The following LRRTM4 variants were observed in gnomAD, a reference collection of about 807,000 sequenced individuals.
LRRTM4 encodes the protein leucine-rich repeat transmembrane neuronal protein 4.
In LRRTM4, 25 loss-of-function variants were observed where a neutral mutation model predicts 47.6. That is an observed-to-expected ratio of 0.53 (90% CI 0.38 to 0.73). The LOEUF (loss-of-function observed/expected upper bound fraction) is 0.73, where lower values mean the gene tolerates loss of function less well. Among genes scored for constraint, LRRTM4 ranks in the 30% least tolerant of loss-of-function variants. LRRTM4 has a pLI of 0.00. For synonymous variants in LRRTM4, 311 were observed against 269.5 expected (o/e 1.15, Z -1.51); for missense variants, 638 against 713.4 (o/e 0.89, Z 1.20).
intron 3 of LRRTM4, among the ~76,000 whole-genome samples, chr2:76,935,338 C>A (rs528474795): frequency 4.6e-5 from 7 of 152,020 alleles, no homozygotes. Flanking sequence ...TATGCGGGCT[C>A]TTTTTGGTTT....
intron 3 of LRRTM4, among the ~76,000 whole-genome samples, chr2:77,509,751 T>G (rs1678913376): frequency 6.6e-6 from 1 of 152,170 alleles, no homozygotes. Context: ...TTTCAACAAG[T>G]TACTTGGAAA....
intron 3 of LRRTM4, among the ~76,000 whole-genome samples, chr2:77,099,329 C>T (rs1407028849): frequency 6.6e-6 from 1 of 151,848 alleles, no homozygotes; most frequent in Non-Finnish European, 1.5e-5. Flanking sequence ...ATAAATACAT[C>T]TCACAAAAAC....
At chr2:77,273,151 T>C (rs1676251659) in intron 3 of LRRTM4, among the ~76,000 whole-genome samples, 1 of 152,168 alleles carries the variant, frequency 6.6e-6, no homozygotes, top group South Asian at 2.1e-4. Flanking sequence ...ATATCCTTAA[T>C]TTAATGGAAG....
At chr2:77,148,877 T>G (rs1573010273) in intron 3 of LRRTM4, among the ~76,000 whole-genome samples, 2 of 152,192 alleles carry the variant, frequency 1.3e-5, no homozygotes, top group African/African-American at 4.8e-5. Context: ...CCTTTAGTTC[T>G]CATATGGTTG....
chr2:76,825,478 T>C lies in LRRTM4; in HGVS notation c.1552-76562A>G, dbSNP rs139654841. 2.5e-3 allele frequency among the ~76,000 whole-genome samples: 373 copies of C among 151,650 alleles called. 7 individuals carry two copies. Among genetic ancestry groups the C allele is most frequent in the African/African-American group, 7.7e-3 (320 of 41,456 alleles). On this transcript the variant is annotated intron_variant, in intron 3 of 3. Coordinates refer to ENST00000409884, the MANE Select transcript of LRRTM4 (RefSeq NM_001134745.3). ...ATTTCTAACTACTTGACTCGAGCAA[T>C]TGTGGGGATGGAGTTGTCATTTACT... is the stretch of plus-strand genomic sequence containing the variant.
At chr2:77,029,062 T>C (rs1027684153) in intron 3 of LRRTM4, among the ~76,000 whole-genome samples, 3 of 145,624 alleles carry the variant, frequency 2.1e-5, no homozygotes, top group Non-Finnish European at 4.5e-5. Flanking sequence ...AATATATATA[T>C]ATATATATAA....
intron 3 of LRRTM4, among the ~76,000 whole-genome samples, chr2:77,310,996 A>T (rs1259735886): frequency 6.6e-6 from 1 of 152,008 alleles, no homozygotes; most frequent in Non-Finnish European, 1.5e-5. Context: ...ACACACATAT[A>T]TATATAGAGA....
intron 3 of LRRTM4, among the ~76,000 whole-genome samples, chr2:76,972,073 G>A (rs189646598): frequency 6.6e-6 from 1 of 152,028 alleles, no homozygotes; most frequent in Non-Finnish European, 1.5e-5. Flanking sequence ...GGTTGTTTCA[G>A]CATTTTTCTA....
intron 3 of LRRTM4, among the ~76,000 whole-genome samples, chr2:77,419,068 G>A (rs948324470): frequency 7.3e-5 from 11 of 151,662 alleles, no homozygotes; most frequent in African/African-American, 2.7e-4. Context: ...ATATATATTG[G>A]GTACTTAGAA....
intron 3 of LRRTM4, among the ~76,000 whole-genome samples, chr2:77,027,874 T>C (rs2104125667): frequency 6.6e-6 from 1 of 152,052 alleles, no homozygotes; most frequent in South Asian, 2.1e-4. Flanking sequence ...TTCAATACAG[T>C]CCCATTTGAG....
intron 3 of LRRTM4, among the ~76,000 whole-genome samples, chr2:77,401,778 C>A (rs950303288): frequency 6.6e-6 from 1 of 151,884 alleles, no homozygotes; most frequent in African/African-American, 2.4e-5. Context: ...TATTCAGAAG[C>A]AGCCCAGGTC....
At chr2:76,864,511 G>C (rs1672408315) in intron 3 of LRRTM4, among the ~76,000 whole-genome samples, 1 of 151,906 alleles carries the variant, frequency 6.6e-6, no homozygotes, top group South Asian at 2.1e-4. Flanking sequence ...TACAAAATTA[G>C]CTTGGCGTGG....
chr2:77,444,865 T>C (rs1675986577), intron 3 of LRRTM4, among the ~76,000 whole-genome samples: 1 of 150,636 alleles, frequency 6.6e-6, no homozygotes. Flanking sequence ...TTATTATAAA[T>C]GAGCTTTAGG....
chr2:76,764,414 G>A (rs112170196), intron 3 of LRRTM4, among the ~76,000 whole-genome samples: 2,155 of 152,232 alleles, frequency 0.014, 54 homozygotes, highest in African/African-American at 0.048. Flanking sequence ...GGCAGATCAC[G>A]TGGTCAGGAG....
At chr2:77,237,316 G>A (rs991547585) in intron 3 of LRRTM4, among the ~76,000 whole-genome samples, 2 of 151,812 alleles carry the variant, frequency 1.3e-5, no homozygotes, top group Non-Finnish European at 2.9e-5. Context: ...ATTTCCTTTA[G>A]ATTTTCTAGT....
intron 3 of LRRTM4, among the ~76,000 whole-genome samples, chr2:77,247,779 G>A (rs1558652131): frequency 6.6e-6 from 1 of 151,956 alleles, no homozygotes; most frequent in Non-Finnish European, 1.5e-5. Context: ...TTAGGCCTAT[G>A]TCTATAATAA....
At position 77,362,174 on chromosome 2, in the gene LRRTM4, G is replaced by GAAAGAAAGAAAGAAAGA. The variant is rs1491583250; in HGVS notation, c.1551+156143_1551+156144insTCTTTCTTTCTTTCTTT. Among the ~76,000 whole-genome samples the GAAAGAAAGAAAGAAAGA allele has an allele frequency of 5.3e-4, 42 of 78,950 alleles. 1 individual carries two copies. The highest frequency in any genetic ancestry group is 1.3e-3 in the Admixed American group (10 of 7,978). The allele number at this position is 78,950 out of a possible 152,430, so 51.8% of individuals were successfully genotyped here. A position where few individuals can be genotyped will look rare whatever the true frequency, so the allele number is the denominator to read the frequency against. ...GAAAGAAAGAAAGAAAGAAAGAAAG[G>GAAAGAAAGAAAGAAAGA]AAGGAAGGAAGAGTTCTTAATGTCC... is the stretch of plus-strand genomic sequence containing the variant. On this transcript the variant is annotated intron_variant, in intron 3 of 3. Coordinates refer to ENST00000409884, the MANE Select transcript of LRRTM4 (RefSeq NM_001134745.3).
At chr2:76,975,656 G>A (rs1421711093) in intron 3 of LRRTM4, among the ~76,000 whole-genome samples, 1 of 151,644 alleles carries the variant, frequency 6.6e-6, no homozygotes, top group East Asian at 1.9e-4. Flanking sequence ...GAAGTTAACT[G>A]TGGAACTACT....
intron 3 of LRRTM4, among the ~76,000 whole-genome samples, chr2:77,055,108 T>TA (rs1415628048): frequency 2.0e-5 from 3 of 152,144 alleles, no homozygotes; most frequent in Non-Finnish European, 4.4e-5. Flanking sequence ...CTCCGCTACT[T>TA]AGAGTTACCA....
Sources: allele counts gnomAD v4.1 joint callset (sites outside exome capture counted in the v4.1 genomes callset), GRCh38; gene constraint gnomAD v4.1.1; transcripts MANE v1.5; gene names NCBI Gene and HGNC (gene_info 2026-07-23, HGNC 2026-07-21).